PALD1: variants seen among roughly 807,000 people sequenced by gnomAD.
PALD1 encodes paladin.
A neutral mutation model predicts 96.0 loss-of-function variants in PALD1; 57 were observed. The ratio of observed to expected loss-of-function variants is 0.59; its 90% CI spans 0.48 to 0.74. The LOEUF is 0.74. Ranked by LOEUF, PALD1 falls within the 30% of genes least tolerant of loss-of-function variation. PALD1 has a pLI of 0.00. For missense variants in PALD1, 1,063 were observed against 1,143.7 expected (o/e 0.93, Z 1.02); for synonymous variants, 464 against 473.6 (o/e 0.98, Z 0.26).
intron 1 of PALD1, among the ~76,000 whole-genome samples, chr10:70,523,376 T>G (rs923613394): frequency 6.6e-6 from 1 of 152,174 alleles, no homozygotes; most frequent in African/African-American, 2.4e-5. Context: ...ATCCTCTCCC[T>G]CGGGAGAGCT....
intron 1 of PALD1, among the ~76,000 whole-genome samples, chr10:70,496,307 G>A (rs1846194238): frequency 6.6e-6 from 1 of 151,026 alleles, no homozygotes; most frequent in East Asian, 1.9e-4. Flanking sequence ...AGTGAATCAA[G>A]GCATAGCTTG....
In PALD1 at chr10:70,537,864, A is replaced by T; in HGVS notation, c.1281A>T (p.Arg427=). ...AGAGGGCGCTGTGGAGCCTGGAGCG[A>T]TACTTCTACCTGATCCTGTTTAACT... ...VWQRALWSLE[R]YFYLILFNYY... Residue 427 remains arginine, a synonymous_variant, in exon 11 of 20, where the codon CGA becomes CGT. Transcript: ENST00000263563. 1 of 1,613,944 alleles carries T rather than the reference A, an allele frequency of 6.2e-7. No individual in the cohort carries two copies. The highest frequency in any genetic ancestry group is 2.2e-5 in the East Asian group (1 of 44,880).
At chr10:70,482,327 T>C (rs1342936915) in intron 1 of PALD1, among the ~76,000 whole-genome samples, 1 of 152,172 alleles carries the variant, frequency 6.6e-6, no homozygotes, top group Non-Finnish European at 1.5e-5. Context: ...GGGGAGCCAG[T>C]GTTTGCTAAG....
intron 1 of PALD1, among the ~76,000 whole-genome samples, chr10:70,506,589 G>A (rs539763277): frequency 6.6e-6 from 1 of 152,306 alleles, no homozygotes; most frequent in Admixed American, 6.5e-5. Context: ...GGGAGTGGAG[G>A]TGGAAGCCAT....
In PALD1 at chr10:70,533,002, C is replaced by A; in HGVS notation, c.802C>A (p.Arg268Ser). Residue 268 changes from arginine (R) to serine (S), a missense_variant, in exon 7 of 20, where the codon CGC (arginine) becomes AGC (serine). Coordinates refer to ENST00000263563, the MANE Select transcript of PALD1 (RefSeq NM_014431.3). ...CTCTCCCTCACCTGGCAGGTACCAC[C>A]GCCTGCCCCTGCCCGAGCAAGGGAG... The part of the protein sequence containing the change: ...LFLQPTYRYH[R>S]LPLPEQGSPL... 6.3e-7 allele frequency: 1 copy of A among 1,578,374 alleles called. No homozygotes were observed. Among genetic ancestry groups the A allele is most frequent in the Non-Finnish European group, 8.6e-7 (1 of 1,161,870 alleles).
At chr10:70,554,285 C>A (rs745937448) in intron 18 of PALD1, among the ~76,000 whole-genome samples, 5 of 152,042 alleles carry the variant, frequency 3.3e-5, no homozygotes, top group Non-Finnish European at 7.4e-5. Context: ...AAAAATTAGC[C>A]GAGCGTGGTG....
intron 18 of PALD1, among the ~76,000 whole-genome samples, chr10:70,556,279 C>CCTCCCTCTCTCCCTCTCTCTCTCCCT: frequency 7.8e-6 from 1 of 128,736 alleles, no homozygotes; most frequent in South Asian, 2.5e-4. Context: ...GTAGCCGAGA[C>CCTCCCTCTCTCCCTCTCTCTCTCCCT]CTCTCTCTCT....
At chr10:70,471,501 C>T in the PALD1 span, among the ~76,000 whole-genome samples, 1 of 152,206 alleles carries the variant, frequency 6.6e-6, no homozygotes, top group African/African-American at 2.4e-5. Context: ...GCCCTTTACT[C>T]TAGCAAGCAT....
In PALD1 at chr10:70,546,792, G is replaced by A. The variant is rs147772467; in HGVS notation, c.2122-514G>A. Among the ~76,000 whole-genome samples the A allele has an allele frequency of 8.4e-4, 128 of 152,250 alleles. 1 individual carries two copies. The East Asian group carries it at 0.023, about 27-fold the overall frequency. On this transcript the variant is annotated intron_variant, in intron 17 of 19. Transcript: ENST00000263563. ...TGCCAAAACCCCGTTTCTACTAAAA[G>A]TACAAGATATTAGCCAGGCGTGGTG...
At position 70,541,344 on chromosome 10, in the gene PALD1, A is replaced by C. The variant is rs140106803; in HGVS notation, c.2049+102A>C. 14,559 of 1,523,682 alleles carry C rather than the reference A, an allele frequency of 9.6e-3. 91 individuals are homozygous for C. Among genetic ancestry groups the C allele is most frequent in the Non-Finnish European group, 0.011 (12,037 of 1,109,788 alleles). The allele number at this position is 1,523,682 out of a possible 1,614,324, so 94.4% of individuals were successfully genotyped here. A position where few individuals can be genotyped will look rare whatever the true frequency, so the allele number is the denominator to read the frequency against. ...CCACAGGAGGGTGTGAGGGGCAGAG[A>C]CAGCCGGGTGTGGTCCCAGAGCCCC... On this transcript the variant is annotated intron_variant, in intron 16 of 19. Transcript: ENST00000263563.
chr10:70,499,254 T>A (rs1846250674), intron 1 of PALD1, among the ~76,000 whole-genome samples: 1 of 152,206 alleles, frequency 6.6e-6, no homozygotes, highest in Admixed American at 6.5e-5. Context: ...CCCTTCCTTC[T>A]TCAATACCAG....
chr10:70,536,582 TG>T (rs1341543428), intron 10 of PALD1, among the ~76,000 whole-genome samples: 1 of 152,228 alleles, frequency 6.6e-6, no homozygotes, highest in East Asian at 1.9e-4. Context: ...CGCCTGTCTT[TG>T]TAAATGTGTT....
Position 70,538,898 on chromosome 10 carries a change from GAC to G in PALD1, c.1460_1461del (p.Asp487GlyfsTer69), listed in dbSNP as rs777540303. 80 of 1,613,092 alleles carry G rather than the reference GAC, an allele frequency of 5.0e-5. No homozygotes were observed. The highest frequency in any genetic ancestry group is 6.4e-5 in the Non-Finnish European group (76 of 1,179,740). On this transcript the variant is annotated frameshift_variant, in exon 13 of 20. Transcript: ENST00000263563. LOFTEE classifies it high-confidence loss of function. The part of the protein sequence containing the change: ...DLIARGSLRE[D>X]DLVSPDALST... ...CTTGGTGCTCTCCCCACAGCGGGAG[GAC>G]GATCTGGTCTCCCCGGACGCGCTCA...
At chr10:70,547,887 A>G (rs1300988737) in intron 18 of PALD1, among the ~76,000 whole-genome samples, 2 of 152,160 alleles carry the variant, frequency 1.3e-5, no homozygotes, top group African/African-American at 2.4e-5. Flanking sequence ...CTGTTTCACA[A>G]CTAGCACGGA....
Position 70,540,227 on chromosome 10 carries a change from C to T in PALD1, c.1908+465C>T, listed in dbSNP as rs144281216. Among the ~76,000 whole-genome samples, 105 of 149,580 alleles carry T rather than the reference C, an allele frequency of 7.0e-4. No individual in the cohort carries two copies. The highest frequency in any genetic ancestry group is 3.4e-3 in the Middle Eastern group (1 of 290). Reference sequence around the variant, plus strand: ...TGAGGGTGAACATGTCCAGGGTGTCCGTGGTGTGTGTGTCTCAGTTGGGGG... The same window carrying T: ...TGAGGGTGAACATGTCCAGGGTGTCTGTGGTGTGTGTGTCTCAGTTGGGGG... On this transcript the variant is annotated intron_variant, in intron 15 of 19. Transcript: ENST00000263563. The surrounding 1 kb of genome is among the most constrained non-coding windows in gnomAD (Gnocchi z 4.2).
intron 1 of PALD1, among the ~76,000 whole-genome samples, chr10:70,487,053 C>T (rs1200880228): frequency 1.3e-5 from 2 of 151,264 alleles, no homozygotes; most frequent in Non-Finnish European, 2.9e-5. Flanking sequence ...GTCTCTGCTC[C>T]AGGGGGCTCT....
chr10:70,538,393 C>A lies in PALD1; in HGVS notation c.1437C>A (p.Ile479=). Residue 479 remains isoleucine (I), a synonymous_variant, in exon 12 of 20, where the codon ATC becomes ATA. Coordinates refer to ENST00000263563, the MANE Select transcript of PALD1 (RefSeq NM_014431.3). ...SAGPVAPRDL[I]ARGSLREDDL... is the part of the protein sequence containing the mutation. ...GCCCTGTGGCTCCGAGGGACCTCAT[C>A]GCCAGGGGCTCCCTAGTGAGTATGA... 6.2e-7 allele frequency: 1 copy of A among 1,611,806 alleles called. No homozygotes were observed. The highest frequency in any genetic ancestry group is 8.5e-7 in the Non-Finnish European group (1 of 1,179,922).
intron 18 of PALD1, among the ~76,000 whole-genome samples, chr10:70,560,006 G>A (rs1847703508): frequency 6.6e-6 from 1 of 152,188 alleles, no homozygotes; most frequent in African/African-American, 2.4e-5. Flanking sequence ...AGGGGGAGGT[G>A]TAAACCTGGT....
intron 1 of PALD1, among the ~76,000 whole-genome samples, chr10:70,481,209 G>C (rs867210434): frequency 1.3e-5 from 2 of 152,184 alleles, no homozygotes; most frequent in African/African-American, 4.8e-5. Flanking sequence ...TGAGCTCCTG[G>C]GGGGCACAGA....
Sources: allele counts gnomAD v4.1 joint callset (sites outside exome capture counted in the v4.1 genomes callset), GRCh38; gene constraint gnomAD v4.1.1; non-coding constraint Gnocchi (gnomAD v3.1); transcripts MANE v1.5; gene names NCBI Gene and HGNC (gene_info 2026-07-23, HGNC 2026-07-21).